PACRG: variants seen among roughly 807,000 people sequenced by gnomAD.
The protein encoded by PACRG is parkin coregulated gene protein.
Under a neutral mutation model 29.7 loss-of-function variants are expected in PACRG, and 29 were observed. That is an observed-to-expected ratio of 0.98 (90% confidence interval 0.73 to 1.33). The LOEUF is 1.33. PACRG is among the 40% of genes most tolerant of loss of function. The pLI is 0.00. For synonymous variants in PACRG, 116 were observed against 118.7 expected, an observed-to-expected ratio of 0.98 and a Z score of 0.15; for missense variants, 279 against 316.2, an observed-to-expected ratio of 0.88 and a Z score of 0.89.
At chr6:163,039,888 T>C (rs1330947937) in intron 2 of PACRG, among the ~76,000 whole-genome samples, 3 of 152,218 alleles carry the variant, frequency 2.0e-5, no homozygotes, top group Non-Finnish European at 4.4e-5. Flanking sequence ...CCTGACCATG[T>C]AGTAGAAAAG....
chr6:162,994,326 C>T (rs1360104326), intron 2 of PACRG, among the ~76,000 whole-genome samples: 2 of 150,720 alleles, frequency 1.3e-5, no homozygotes, highest in East Asian at 3.9e-4. Context: ...GGATAATATC[C>T]TGTAGAGTGT....
At chr6:162,956,872 G>A (rs1223858310) in intron 2 of PACRG, among the ~76,000 whole-genome samples, 2 of 152,116 alleles carry the variant, frequency 1.3e-5, no homozygotes, top group Non-Finnish European at 2.9e-5. Context: ...TTTTCTGGAG[G>A]GGAGGGACAC....
upstream of PACRG, chr6:162,727,277 G>A (rs1779278741): frequency 4.4e-6 from 1 of 228,662 alleles, no homozygotes; most frequent in Non-Finnish European, 8.2e-6. Context: ...ACCGGCCAGT[G>A]AGGTGAGGGG....
chr6:162,799,093 G>A (rs1785624456), intron 1 of PACRG, among the ~76,000 whole-genome samples: 1 of 151,824 alleles, frequency 6.6e-6, no homozygotes, highest in South Asian at 2.1e-4. Flanking sequence ...ACTTGTTGAT[G>A]GAGAGTGGTC....
At chr6:163,215,989 A>T (rs1010265106) in intron 4 of PACRG, among the ~76,000 whole-genome samples, 4 of 152,220 alleles carry the variant, frequency 2.6e-5, no homozygotes, top group African/African-American at 9.6e-5. Context: ...CAGGAACCGC[A>T]GCAGTAAGTG....
chr6:162,776,687 G>T (rs554168595), intron 1 of PACRG, among the ~76,000 whole-genome samples: 5 of 152,354 alleles, frequency 3.3e-5, no homozygotes, highest in Admixed American at 6.5e-5. Context: ...CCATACAAGT[G>T]AGGGGCTTGG....
At chr6:162,786,158 T>G (rs1408444930) in intron 1 of PACRG, among the ~76,000 whole-genome samples, 2 of 152,170 alleles carry the variant, frequency 1.3e-5, no homozygotes, top group Admixed American at 6.5e-5. Flanking sequence ...CCAGAGCATA[T>G]CTGAACTAAT....
In PACRG at chr6:162,950,325, G is replaced by A. The variant is rs547432802; in HGVS notation, c.292-111825G>A. Among the ~76,000 whole-genome samples the A allele has an allele frequency of 2.1e-4, 32 of 151,928 alleles. 1 individual carries two copies. The highest frequency in any genetic ancestry group is 2.1e-3 in the South Asian group (10 of 4,806). On this transcript the variant is annotated intron_variant, in intron 2 of 4. Coordinates refer to ENST00000366888, the MANE Select transcript of PACRG (RefSeq NM_001080379.2). ...ATCCTGACTAACACGGTGAAACCCC[G>A]TCTCTACTAAAAATACAAAAAAGAA...
At chr6:163,001,783 G>A (rs904729228) in intron 2 of PACRG, among the ~76,000 whole-genome samples, 11 of 152,140 alleles carry the variant, frequency 7.2e-5, no homozygotes, top group Admixed American at 2.0e-4. Flanking sequence ...TAGAAGTTAC[G>A]CTGATAAGAT....
chr6:163,067,834 A>T (rs1300247034), intron 3 of PACRG, among the ~76,000 whole-genome samples: 1 of 152,200 alleles, frequency 6.6e-6, no homozygotes, highest in Non-Finnish European at 1.5e-5. Flanking sequence ...TGCAAGTCCC[A>T]CATCTGCTAT....
intron 2 of PACRG, among the ~76,000 whole-genome samples, chr6:162,852,203 A>C (rs375127803): frequency 6.6e-6 from 1 of 152,306 alleles, no homozygotes; most frequent in Non-Finnish European, 1.5e-5. Context: ...AGGGGCTACA[A>C]TTCAATCCAG....
At chr6:162,782,780 A>C (rs1784189798) in intron 1 of PACRG, among the ~76,000 whole-genome samples, 1 of 151,876 alleles carries the variant, frequency 6.6e-6, no homozygotes, top group South Asian at 2.1e-4. Flanking sequence ...TGCATAAATC[A>C]AGAAATTACT....
Position 163,081,588 on chromosome 6 carries a change from C to CT in PACRG, c.464-7670dup, listed in dbSNP as rs1192866528. On this transcript the variant is annotated intron_variant, in intron 3 of 4. Coordinates refer to ENST00000366888, the MANE Select transcript of PACRG (RefSeq NM_001080379.2). ...CTTCGGCAACATAGTGAGACCCCAT[C>CT]TCTACAAATATAAAAAAATTAGCCA... Among the ~76,000 whole-genome samples the CT allele has an allele frequency of 4.1e-4, 63 of 152,276 alleles. No homozygotes were observed. The Middle Eastern group carries it at 0.017, about 41-fold the overall frequency.
intron 4 of PACRG, among the ~76,000 whole-genome samples, chr6:163,201,151 A>C (rs1780682469): frequency 6.6e-6 from 1 of 152,108 alleles, no homozygotes; most frequent in Non-Finnish European, 1.5e-5. Flanking sequence ...ATAGGGAAAA[A>C]ATATTTTTAA....
intron 2 of PACRG, among the ~76,000 whole-genome samples, chr6:163,015,778 A>G (rs1806040940): frequency 6.6e-6 from 1 of 152,088 alleles, no homozygotes; most frequent in African/African-American, 2.4e-5. Flanking sequence ...GGTATAGAAA[A>G]CCACAAAGAG....
chr6:162,744,825 A>G (rs1780863272), intron 1 of PACRG, among the ~76,000 whole-genome samples: 1 of 152,182 alleles, frequency 6.6e-6, no homozygotes. Flanking sequence ...CAGTAAGTAG[A>G]AAATGCAAAA....
chr6:162,730,337 C>A (rs942409554), intron 1 of PACRG, among the ~76,000 whole-genome samples: 1 of 152,122 alleles, frequency 6.6e-6, no homozygotes, highest in Non-Finnish European at 1.5e-5. Flanking sequence ...ATGTCCTCAT[C>A]TCTTTCTGAA....
intron 4 of PACRG, among the ~76,000 whole-genome samples, chr6:163,286,784 A>G (rs62428017): frequency 0.15 from 22,617 of 152,126 alleles, 2,016 homozygotes; most frequent in Non-Finnish European, 0.2. Flanking sequence ...AAACTACATA[A>G]ATATGTATAT....
At chr6:162,938,753 T>A (rs1798410764) in intron 2 of PACRG, among the ~76,000 whole-genome samples, 1 of 152,234 alleles carries the variant, frequency 6.6e-6, no homozygotes, top group Non-Finnish European at 1.5e-5. Flanking sequence ...TGATCATTAG[T>A]GATGCTGAGC....
Sources: gnomAD v4.1 joint callset for allele counts (sites outside exome capture counted in the v4.1 genomes callset) on GRCh38, gnomAD v4.1.1 for gene constraint, MANE v1.5 for transcripts, NCBI Gene and HGNC (gene_info 2026-07-23, HGNC 2026-07-21) for gene names.